DNER: variants seen among roughly 807,000 people sequenced by gnomAD.
DNER encodes delta/notch like EGF repeat containing.
In DNER, 33 loss-of-function variants were observed where a neutral mutation model predicts 78.2. That is an observed-to-expected ratio of 0.42 (90% CI 0.32 to 0.56). The LOEUF (loss-of-function observed/expected upper bound fraction) is 0.56. Ranked by LOEUF, DNER falls within the 20% of genes least tolerant of loss-of-function variation. The pLI is 0.11. For synonymous variants in DNER, 417 were observed against 384.8 expected (o/e 1.08, Z -0.98); for missense variants, 918 against 975.3 (o/e 0.94, Z 0.78).
intron 1 of DNER, among the ~76,000 whole-genome samples, chr2:229,615,182 C>T (rs959037704): frequency 1.3e-5 from 2 of 151,944 alleles, no homozygotes; most frequent in Admixed American, 1.3e-4. Flanking sequence ...GAGGCCGAGG[C>T]AGGCGGATCG....
At chr2:229,463,368 G>A (rs1232651270) in intron 7 of DNER, among the ~76,000 whole-genome samples, 2 of 152,092 alleles carry the variant, frequency 1.3e-5, no homozygotes, top group African/African-American at 4.8e-5. Context: ...TATGAAAGGA[G>A]AAATATTAGT....
intron 10 of DNER, among the ~76,000 whole-genome samples, chr2:229,391,192 T>G (rs1193831549): frequency 6.6e-6 from 1 of 152,254 alleles, no homozygotes; most frequent in Non-Finnish European, 1.5e-5. Context: ...TGGCTTCATT[T>G]ACGTTTCCCC....
chr2:229,713,384 C>T (rs73097239), intron 1 of DNER, among the ~76,000 whole-genome samples: 22,669 of 152,276 alleles, frequency 0.15, 1,842 homozygotes, highest in African/African-American at 0.21. Context: ...TCCCATCCCT[C>T]GCACCGCCCC....
chr2:229,630,020 A>G (rs1266243118), intron 1 of DNER, among the ~76,000 whole-genome samples: 1 of 152,212 alleles, frequency 6.6e-6, no homozygotes, highest in African/African-American at 2.4e-5. Context: ...GGCACAATCT[A>G]TTATCCCTAA....
chr2:229,503,291 C>T (rs1349893564), intron 6 of DNER, among the ~76,000 whole-genome samples: 5 of 152,140 alleles, frequency 3.3e-5, no homozygotes, highest in Non-Finnish European at 7.4e-5. Flanking sequence ...TGTAACCTTA[C>T]CCTACACGAA....
chr2:229,528,977 T>G (rs1696255513), intron 5 of DNER, among the ~76,000 whole-genome samples: 1 of 152,156 alleles, frequency 6.6e-6, no homozygotes, highest in Non-Finnish European at 1.5e-5. Context: ...TCATTAGCAG[T>G]CTGTGGATTT....
intron 4 of DNER, among the ~76,000 whole-genome samples, chr2:229,547,427 T>A (rs184451500): frequency 1.3e-5 from 2 of 152,162 alleles, no homozygotes; most frequent in Non-Finnish European, 2.9e-5. Flanking sequence ...CTCAATCCCA[T>A]CCCTGTGCTG....
chr2:229,661,222 TTG>T (rs149147322), intron 1 of DNER, among the ~76,000 whole-genome samples: 7 of 151,518 alleles, frequency 4.6e-5, no homozygotes, highest in Non-Finnish European at 5.9e-5. Context: ...TAATCCATAA[TTG>T]TGTGTGTGTG....
chr2:229,534,383 TAACAGACCAATAGATTGTAATGA>T (rs1379023502), intron 5 of DNER, among the ~76,000 whole-genome samples: 5 of 151,094 alleles, frequency 3.3e-5, no homozygotes, highest in East Asian at 2.0e-4. Flanking sequence ...GATTGTAATG[TAACAGACCAATAGATTGTAATGA>T]AACAGACCAA....
At chr2:229,367,143 G>A (rs1241049273) in intron 11 of DNER, 24 bp from the exon 12 acceptor site, 2 of 1,613,506 alleles carry the variant, frequency 1.2e-6, no homozygotes, top group Non-Finnish European at 1.7e-6. Context: ...TAAGCAAATG[G>A]CTGGGTATGA....
chr2:229,586,114 G>GCACATACCATCTTT, intron 3 of DNER, 90 bp from the exon 4 acceptor site: 1 of 1,432,164 alleles, frequency 7.0e-7, no homozygotes, highest in Non-Finnish European at 9.3e-7. Context: ...ATACAAAGAT[G>GCACATACCATCTTT]GTATGTGCAT....
intron 1 of DNER, among the ~76,000 whole-genome samples, chr2:229,635,379 A>AAAAC (rs1553547043): frequency 1.3e-5 from 2 of 148,408 alleles, no homozygotes; most frequent in Non-Finnish European, 3.0e-5. Flanking sequence ...AAAAAAAAAA[A>AAAAC]AAAAAACTCC....
intron 5 of DNER, among the ~76,000 whole-genome samples, chr2:229,529,744 A>G (rs1574887281): frequency 6.6e-6 from 1 of 152,366 alleles, no homozygotes; most frequent in African/African-American, 2.4e-5. Context: ...GCAATGGCTC[A>G]TGCCTGTAAT....
chr2:229,681,631 C>G (rs1699387673), intron 1 of DNER, among the ~76,000 whole-genome samples: 1 of 152,112 alleles, frequency 6.6e-6, no homozygotes, highest in Non-Finnish European at 1.5e-5. Flanking sequence ...CTATAGTCAC[C>G]CACCTCAGTC....
intron 5 of DNER, among the ~76,000 whole-genome samples, chr2:229,535,595 A>C (rs1696386657): frequency 6.6e-6 from 1 of 152,204 alleles, no homozygotes; most frequent in Admixed American, 6.5e-5. Flanking sequence ...CTGGTCACTC[A>C]GAAGCCACTT....
chr2:229,550,784 T>C (rs913970110), intron 4 of DNER, among the ~76,000 whole-genome samples: 1 of 151,808 alleles, frequency 6.6e-6, no homozygotes, highest in East Asian at 1.9e-4. Flanking sequence ...AAAAAATAAA[T>C]AAATAAATAA....
In DNER at chr2:229,561,001, T is replaced by C. The variant is rs562015678; in HGVS notation, c.848-13909A>G. Among the ~76,000 whole-genome samples, 3 of 152,294 alleles carry C rather than the reference T, an allele frequency of 2.0e-5. No individual in the cohort carries two copies. In the East Asian group the frequency reaches 5.8e-4, roughly 29 times the overall value. ...CTATCCCAGGATTTCATGTAGAGTA[T>C]TCTCACCTTTTGTAAAAAGGCTTTT... On this transcript the variant is annotated intron_variant, in intron 4 of 12. Coordinates refer to ENST00000341772, the MANE Select transcript of DNER (RefSeq NM_139072.4).
At chr2:229,483,508 T>C (rs1695209210) in intron 6 of DNER, among the ~76,000 whole-genome samples, 1 of 152,204 alleles carries the variant, frequency 6.6e-6, no homozygotes, top group African/African-American at 2.4e-5. Flanking sequence ...AGCTGAGTAA[T>C]TGGTTTTTGA....
At chr2:229,429,609 A>G (rs992004003) in intron 8 of DNER, among the ~76,000 whole-genome samples, 1 of 152,196 alleles carries the variant, frequency 6.6e-6, no homozygotes. Context: ...TTGCAGACAC[A>G]GCAAAGGCCC....
Sources: gnomAD v4.1 joint callset for allele counts (sites outside exome capture counted in the v4.1 genomes callset) on GRCh38, gnomAD v4.1.1 for gene constraint, MANE v1.5 for transcripts, NCBI Gene and HGNC (gene_info 2026-07-23, HGNC 2026-07-21) for gene names.